CWC15: variants seen among roughly 807,000 people sequenced by gnomAD.
The protein encoded by CWC15 is CWC15 spliceosome associated protein.
CWC15 carries 12 observed loss-of-function variants against 28.4 expected under a neutral mutation model. That is an observed-to-expected ratio of 0.42 (90% confidence interval 0.27 to 0.69). The LOEUF (loss-of-function observed/expected upper bound fraction) is 0.69, where lower values mean the gene tolerates loss of function less well. Among genes scored for constraint, CWC15 ranks in the 30% least tolerant of loss-of-function variants. CWC15 has a pLI of 0.23. For synonymous variants in CWC15, 92 were observed against 88.4 expected, an observed-to-expected ratio of 1.04 and a Z score of -0.23; for missense variants, 192 against 271.5, an observed-to-expected ratio of 0.71 and a Z score of 2.06.
chr11:94,963,514 C>A lies in CWC15; in HGVS notation c.561G>T (p.Arg187Ser). The change falls in exon 7 of 7, where the codon AGG (arginine) becomes AGT (serine). Residue 187 changes from arginine to serine, a missense_variant and splice_region_variant. This residue lies in a region of CWC15 where 188 missense variants were observed against 250.3 expected (regional missense o/e 0.75). Coordinates refer to ENST00000279839, the MANE Select transcript of CWC15 (RefSeq NM_016403.4). The part of the protein sequence containing the change: ...QPQANFKVKR[R>S]WDDDVVFKNC... ...TCTTGAAGACAACGTCATCATCCCA[C>A]CTGAGGAAAAAAAAGCAAACAGAAC... The A allele has an allele frequency of 6.4e-7, 1 of 1,560,558 alleles. No homozygotes were observed. The highest frequency in any genetic ancestry group is 8.7e-7 in the Non-Finnish European group (1 of 1,153,102).
intron 5 of CWC15, among the ~76,000 whole-genome samples, chr11:94,967,268 C>T (rs1446269987): frequency 1.3e-4 from 20 of 152,066 alleles, no homozygotes; most frequent in Admixed American, 9.2e-4. Context: ...CCTCGTGATC[C>T]GTTCACCTCG....
At chr11:94,971,131 G>T in intron 3 of CWC15, 66 bp from the exon 4 acceptor site, 1 of 1,409,586 alleles carries the variant, frequency 7.1e-7, no homozygotes, top group Non-Finnish European at 1.0e-6. Context: ...ATGTTTTAGG[G>T]ACCTGTGAGC....
At chr11:94,966,270 C>CACACACACACACACA in intron 6 of CWC15, 25 bp downstream of exon 6, 1 of 1,152,434 alleles carries the variant, frequency 8.7e-7, no homozygotes, top group African/African-American at 1.5e-5. Flanking sequence ...CACACACACT[C>CACACACACACACACA]CATTACTCCG....
At chr11:94,966,248 C>T in intron 6 of CWC15, 47 bp downstream of exon 6, 4 of 986,552 alleles carry the variant, frequency 4.1e-6, no homozygotes, top group Non-Finnish European at 6.3e-6. Context: ...CACACACACA[C>T]ACACACACAC....
At chr11:94,963,832 A>C (rs12787427) in intron 6 of CWC15, among the ~76,000 whole-genome samples, 6,394 of 152,296 alleles carry the variant, frequency 0.042, 169 homozygotes, top group Non-Finnish European at 0.053. Flanking sequence ...TAATAGAAAG[A>C]AGCAGCACCG....
chr11:94,964,016 G>T (rs1857606263), intron 6 of CWC15, among the ~76,000 whole-genome samples: 2 of 151,832 alleles, frequency 1.3e-5, no homozygotes, highest in African/African-American at 4.8e-5. Flanking sequence ...AATCATTGGG[G>T]TATAATAATT....
In CWC15 at chr11:94,970,170, G is replaced by T. The variant is rs943430831; in HGVS notation, c.334-74C>A. ...CCAAAACACAGTACATATGTACAAC[G>T]TATCACCCTAAGAAAGTCAAAACAA... On this transcript the variant is annotated intron_variant, in intron 4 of 6. Coordinates refer to ENST00000279839, the MANE Select transcript of CWC15 (RefSeq NM_016403.4). 26 of 628,662 alleles carry T rather than the reference G, an allele frequency of 4.1e-5. No individual in the cohort carries two copies. In the African/African-American group the frequency reaches 4.8e-4, roughly 12 times the overall value. 38.9% of individuals were successfully genotyped at this position (628,662 alleles called of 1,614,324 possible).
At chr11:94,970,791 G>C (rs1318048874) in intron 4 of CWC15, 186 bp downstream of exon 4, 1 of 582,340 alleles carries the variant, frequency 1.7e-6, no homozygotes, top group Non-Finnish European at 3.0e-6. Flanking sequence ...TGTTCTTAAA[G>C]TCCCACAAAA....
At chr11:94,968,449 C>T (rs1555095653) in intron 5 of CWC15, among the ~76,000 whole-genome samples, 1 of 152,140 alleles carries the variant, frequency 6.6e-6, no homozygotes, top group African/African-American at 2.4e-5. Context: ...AACTGCAAGG[C>T]CTTCTGTCTA....
chr11:94,971,450 G>T lies in CWC15; in HGVS notation c.169C>A (p.Arg57Ser). The T allele has an allele frequency of 1.2e-6, 2 of 1,611,982 alleles. No individual in the cohort carries two copies. Among genetic ancestry groups the T allele is most frequent in the Non-Finnish European group, 1.7e-6 (2 of 1,179,008 alleles). ...TQDAPEEVRNRDFRRELEERE... is the reference protein window; with the variant it reads ...TQDAPEEVRNSDFRRELEERE... ...TCTTCCAACTCTCTCCTGAAGTCAC[G>T]GTTACGAACCTCTTCAGGGGCATCC... The change falls in exon 3 of 7, where the codon CGT (arginine) becomes AGT (serine). Residue 57 changes from arginine (R) to serine (S), a missense_variant. Coordinates refer to ENST00000279839, the MANE Select transcript of CWC15 (RefSeq NM_016403.4).
intron 2 of CWC15, among the ~76,000 whole-genome samples, chr11:94,971,772 T>C (rs1387643347): frequency 6.6e-6 from 1 of 152,232 alleles, no homozygotes; most frequent in African/African-American, 2.4e-5. Context: ...AACTCAGAAC[T>C]TAACAGTAAT....
At chr11:94,970,710 G>C (rs587632535) in intron 4 of CWC15, 19 of 441,982 alleles carry the variant, frequency 4.3e-5, no homozygotes, top group Middle Eastern at 6.8e-4. Context: ...GTTTAGTACA[G>C]GACATTATTT....
chr11:94,966,218 T>TAC lies in CWC15; in HGVS notation c.560+75_560+76dup, dbSNP rs1857637772. 5.1e-6 allele frequency: 4 copies of TAC among 788,920 alleles called. No individual in the cohort carries two copies. In the African/African-American group the frequency reaches 6.7e-5, roughly 13 times the overall value. 48.9% of individuals were successfully genotyped at this position (788,920 alleles called of 1,614,324 possible). ...ATCTGCATGCCTGTGTGTATACACA[T>TAC]ACACATATACACACACACACACACA... On this transcript the variant is annotated intron_variant, in intron 6 of 6. Coordinates refer to ENST00000279839, the MANE Select transcript of CWC15 (RefSeq NM_016403.4).
At chr11:94,970,798 A>G (rs1590960022) in intron 4 of CWC15, 179 bp downstream of exon 4, 1 of 596,898 alleles carries the variant, frequency 1.7e-6, no homozygotes, top group Non-Finnish European at 3.0e-6. Context: ...AAAGTCCCAC[A>G]AAATAATACT....
chr11:94,971,740 T>A (rs1857724822), intron 2 of CWC15, among the ~76,000 whole-genome samples: 1 of 152,238 alleles, frequency 6.6e-6, no homozygotes, highest in African/African-American at 2.4e-5. Context: ...AAAATGTCTT[T>A]AATTTTTATT....
intron 2 of CWC15, 74 bp from the exon 3 acceptor site, chr11:94,971,561 G>A: frequency 3.7e-6 from 3 of 812,498 alleles, no homozygotes; most frequent in South Asian, 1.9e-5. Flanking sequence ...CTGTAGTAAT[G>A]GAAGACAATT....
chr11:94,963,647 A>C, intron 6 of CWC15, 133 bp from the exon 7 acceptor site: 1 of 599,200 alleles, frequency 1.7e-6, no homozygotes, highest in South Asian at 5.1e-5. Flanking sequence ...CAGCAATTAC[A>C]CTCAAAAGAA....
chr11:94,965,991 G>C (rs1192302529), intron 6 of CWC15, among the ~76,000 whole-genome samples: 1 of 152,122 alleles, frequency 6.6e-6, no homozygotes, highest in African/African-American at 2.4e-5. Flanking sequence ...TAAAATGTAA[G>C]GGCCTCAGTT....
rs180829018 is a variant in CWC15, at chr11:94,967,027, T to C, written c.442-614A>G. On this transcript the variant is annotated intron_variant, in intron 5 of 6. Transcript: ENST00000279839. ...ATTTACCTGAGGTTGATCTATTTTG[T>C]TTTTATTGTCTTACTGAGTTTTTCT... Among the ~76,000 whole-genome samples, 40 of 149,492 alleles carry C rather than the reference T, an allele frequency of 2.7e-4. 1 individual carries two copies. The highest frequency in any genetic ancestry group is 9.1e-4 in the African/African-American group (37 of 40,652).
Sources: gnomAD v4.1 joint callset for allele counts (sites outside exome capture counted in the v4.1 genomes callset) on GRCh38, gnomAD v4.1.1 for gene constraint, gnomAD v4.1.1 regional missense constraint, MANE v1.5 for transcripts, NCBI Gene and HGNC (gene_info 2026-07-23, HGNC 2026-07-21) for gene names.